The following UTP6 variants were observed in gnomAD, a reference collection of about 807,000 sequenced individuals.
UTP6 encodes U3 small nucleolar RNA-associated protein 6 homolog.
In UTP6, 60 loss-of-function variants were observed where a neutral mutation model predicts 96.5. The observed-to-expected ratio is 0.62, with a 90% CI of 0.51 to 0.77. The LOEUF is 0.77. Ranked by LOEUF, UTP6 falls within the 30% of genes least tolerant of loss-of-function variation. The probability of loss-of-function intolerance (pLI) is 0.00; values close to 1 mark genes in which losing one functional copy is unlikely to be tolerated. For missense variants in UTP6, 637 were observed against 706.5 expected (o/e 0.90, Z 1.12); for synonymous variants, 215 against 240.1 (o/e 0.90, Z 0.96).
Position 31,878,683 on chromosome 17 carries a change from A to T in UTP6, c.1047+19T>A. 6.2e-7 allele frequency: 1 copy of T among 1,609,626 alleles called. No individual in the cohort carries two copies. The highest frequency in any genetic ancestry group is 8.5e-7 in the Non-Finnish European group (1 of 1,176,278). The stretch of plus-strand genomic sequence containing the variant: ...CAGTCACTATCTAGTCAACCACTGT[A>T]ACCATGTAACAACCTCACCTTCCCT... On this transcript the variant is annotated intron_variant, in intron 12 of 18. Transcript: ENST00000261708.
At chr17:31,883,490 T>C (rs1910965324) in intron 10 of UTP6, among the ~76,000 whole-genome samples, 1 of 151,870 alleles carries the variant, frequency 6.6e-6, no homozygotes, top group Non-Finnish European at 1.5e-5. Flanking sequence ...TAATTTTGTA[T>C]TTTTAGTAGA....
At position 31,894,693 on chromosome 17, in the gene UTP6, A is replaced by C. The variant is rs531652947; in HGVS notation, c.264T>G (p.Ile88Met). 2.1e-5 allele frequency: 34 copies of C among 1,611,888 alleles called. No individual in the cohort carries two copies. The East Asian group carries it at 6.7e-4, about 32-fold the overall frequency. The change falls in exon 4 of 19, where the codon ATT becomes ATG. Residue 88 changes from isoleucine to methionine, a missense_variant. Coordinates refer to ENST00000261708, the MANE Select transcript of UTP6 (RefSeq NM_018428.3). Reference protein sequence around the residue: ...SFKKDEIENSIVHRVQGVFQR... With the variant: ...SFKKDEIENSMVHRVQGVFQR... ...GGAAAACACCTTGTACCCGGTGTAC[A>C]ATAGAATTCTCAATCTCATCCTTCT... is the stretch of plus-strand genomic sequence containing the variant.
chr17:31,901,514 C>A (rs1277282321), intron 1 of UTP6, 22 bp downstream of exon 1: 12 of 1,612,580 alleles, frequency 7.4e-6, no homozygotes, highest in African/African-American at 1.3e-5. Flanking sequence ...TCAGCTCTTC[C>A]CTCTCCCCAA....
At chr17:31,897,900 A>C (rs1212407341) in intron 2 of UTP6, among the ~76,000 whole-genome samples, 1 of 152,204 alleles carries the variant, frequency 6.6e-6, no homozygotes, top group East Asian at 1.9e-4. Context: ...ACAAGATGAA[A>C]AAATCTTGCA....
intron 11 of UTP6, among the ~76,000 whole-genome samples, chr17:31,879,385 G>C (rs1910693461): frequency 6.6e-6 from 1 of 151,776 alleles, no homozygotes. Flanking sequence ...GTGAGACTCT[G>C]TCTCAAAAAG....
At chr17:31,885,745 G>A (rs922401835) in intron 9 of UTP6, among the ~76,000 whole-genome samples, 22 of 151,952 alleles carry the variant, frequency 1.4e-4, no homozygotes, top group Middle Eastern at 3.2e-3. Context: ...CCGAGATCAC[G>A]CCAATGCACT....
intron 11 of UTP6, 146 bp downstream of exon 11, chr17:31,880,427 A>T: frequency 5.0e-5 from 20 of 400,782 alleles, no homozygotes; most frequent in Non-Finnish European, 6.2e-5. Context: ...CCTCCCAATA[A>T]AAAAAAAAAA....
intron 14 of UTP6, among the ~76,000 whole-genome samples, chr17:31,874,706 C>T (rs1910388592): frequency 6.6e-6 from 1 of 152,024 alleles, no homozygotes; most frequent in African/African-American, 2.4e-5. Context: ...CCAAGGCGGG[C>T]AGATCACTTG....
At chr17:31,866,596 G>A (rs1340901515) in intron 17 of UTP6, 1 of 151,942 alleles carries the variant, frequency 6.6e-6, no homozygotes, top group Non-Finnish European at 1.5e-5. Flanking sequence ...GCCAGGCATG[G>A]TGGTGCATGC....
At chr17:31,863,882 G>A (rs1247096871) in intron 18 of UTP6, among the ~76,000 whole-genome samples, 2 of 151,976 alleles carry the variant, frequency 1.3e-5, no homozygotes, top group Non-Finnish European at 2.9e-5. Context: ...TTTATTTTTT[G>A]TAGAAACAGG....
intron 4 of UTP6, among the ~76,000 whole-genome samples, chr17:31,893,619 A>G (rs1263315973): frequency 6.6e-6 from 1 of 151,254 alleles, no homozygotes; most frequent in African/African-American, 2.4e-5. Flanking sequence ...AGTCCCAGGT[A>G]CTGGGGAGGC....
chr17:31,895,659 G>A (rs908638464), intron 2 of UTP6, among the ~76,000 whole-genome samples: 3 of 151,456 alleles, frequency 2.0e-5, no homozygotes, highest in South Asian at 2.1e-4. Context: ...TCAGCCTCCC[G>A]AGTAGCTTGG....
intron 6 of UTP6, 91 bp from the exon 7 acceptor site, chr17:31,889,494 AATTT>A: frequency 3.3e-6 from 3 of 922,200 alleles, no homozygotes; most frequent in Non-Finnish European, 1.6e-6. Context: ...ATACTCGCAC[AATTT>A]TTTTTTTTTT....
chr17:31,892,846 T>C, intron 4 of UTP6, 52 bp from the exon 5 acceptor site: 2 of 1,607,670 alleles, frequency 1.2e-6, no homozygotes, highest in Non-Finnish European at 1.7e-6. Context: ...TTACATATAA[T>C]ACACCTTTGC....
At chr17:31,876,728 T>C (rs760819187) in intron 13 of UTP6, among the ~76,000 whole-genome samples, 21 of 146,560 alleles carry the variant, frequency 1.4e-4, no homozygotes, top group Non-Finnish European at 2.6e-4. Flanking sequence ...AATTAACAAA[T>C]AGGCTGCGCT....
intron 7 of UTP6, 88 bp downstream of exon 7, chr17:31,889,194 TAAG>T: frequency 1.1e-6 from 1 of 938,290 alleles, no homozygotes; most frequent in Non-Finnish European, 1.6e-6. Context: ...GGCTGAGGCG[TAAG>T]AATTGCTTGA....
Position 31,889,490 on chromosome 17 carries a change from G to A in UTP6, c.425-87C>T, listed in dbSNP as rs186740035. The A allele has an allele frequency of 1.8e-3, 1,547 of 844,616 alleles. 6 individuals carry two copies. Among genetic ancestry groups the A allele is most frequent in the Non-Finnish European group, 2.3e-3 (1,320 of 564,840 alleles). The allele number at this position is 844,616 out of a possible 1,614,324, so 52.3% of individuals were successfully genotyped here. On this transcript the variant is annotated intron_variant, in intron 6 of 18. Transcript: ENST00000261708. ...ACCAAATGATCCAATTTTAATACTC[G>A]CACAATTTTTTTTTTTTTTTTTTTT...
Position 31,901,676 on chromosome 17 carries a change from G to C in UTP6, c.-49C>G, listed in dbSNP as rs370822786. On this transcript the variant is annotated 5_prime_UTR_variant, in exon 1 of 19. Transcript: ENST00000261708. ...CGGGTAGCTTCTCAACAGCGAACAC[G>C]AGCAGGAAGCTCCCGGTTTCAGGTT... 1 of 1,578,600 alleles carries C rather than the reference G, an allele frequency of 6.3e-7. No individual in the cohort carries two copies. Among genetic ancestry groups the C allele is most frequent in the Non-Finnish European group, 8.7e-7 (1 of 1,152,882 alleles).
At chr17:31,883,390 A>AC (rs895466421) in intron 10 of UTP6, among the ~76,000 whole-genome samples, 2 of 148,064 alleles carry the variant, frequency 1.4e-5, no homozygotes, top group African/African-American at 5.0e-5. Context: ...ATCTTGGCTC[A>AC]CTGCAACCTC....
Sources: gnomAD v4.1 joint callset for allele counts (sites outside exome capture counted in the v4.1 genomes callset) on GRCh38, gnomAD v4.1.1 for gene constraint, MANE v1.5 for transcripts, NCBI Gene and HGNC (gene_info 2026-07-23, HGNC 2026-07-21) for gene names.